TMEM132D: variants seen among roughly 807,000 people sequenced by gnomAD.
TMEM132D encodes the protein mature OL transmembrane protein.
TMEM132D carries 21 observed loss-of-function variants against 62.3 expected under a neutral mutation model. The ratio of observed to expected loss-of-function variants is 0.34; its 90% CI spans 0.24 to 0.49. The LOEUF (loss-of-function observed/expected upper bound fraction) is 0.49, where lower values mean the gene tolerates loss of function less well. Among genes scored for constraint, TMEM132D ranks in the 20% least tolerant of loss-of-function variants. The probability of loss-of-function intolerance (pLI) is 0.99; values close to 1 mark genes in which losing one functional copy is unlikely to be tolerated. For synonymous variants in TMEM132D, 621 were observed against 575.6 expected (o/e 1.08, Z -1.13); for missense variants, 1,346 against 1,402.8 (o/e 0.96, Z 0.65).
intron 5 of TMEM132D, among the ~76,000 whole-genome samples, chr12:129,116,943 A>G (rs1196748507): frequency 5.3e-5 from 8 of 151,300 alleles, no homozygotes. Context: ...AAAAAAAAAA[A>G]AAAATCTGTA....
In TMEM132D at chr12:129,806,747, C is replaced by T. The variant is rs548392406; in HGVS notation, c.79+96514G>A. Among the ~76,000 whole-genome samples the T allele has an allele frequency of 3.9e-5, 6 of 152,074 alleles. No homozygotes were observed. In the East Asian group the frequency reaches 1.2e-3, roughly 29 times the overall value. ...TAAAAAAATAAAGTAATTACCAGGC[C>T]AGGCACGGTGGTTCAGGCCTGAGAT... On this transcript the variant is annotated intron_variant, in intron 1 of 8. Coordinates refer to ENST00000422113, the MANE Select transcript of TMEM132D (RefSeq NM_133448.3).
chr12:129,083,242 A>G (rs1369445864), intron 6 of TMEM132D, among the ~76,000 whole-genome samples: 1 of 152,196 alleles, frequency 6.6e-6, no homozygotes, highest in Non-Finnish European at 1.5e-5. Flanking sequence ...GATGCTTGGA[A>G]GGAGACAGAT....
chr12:129,140,511 T>C (rs112390027), intron 5 of TMEM132D, among the ~76,000 whole-genome samples: 16 of 151,994 alleles, frequency 1.1e-4, no homozygotes, highest in African/African-American at 3.9e-4. Context: ...CAGTATAGAG[T>C]CTTTTGTGTT....
intron 5 of TMEM132D, among the ~76,000 whole-genome samples, chr12:129,184,358 C>G (rs761066537): frequency 4.6e-5 from 7 of 152,222 alleles, no homozygotes. Flanking sequence ...TAAATAGAGG[C>G]TGGAGTTTCG....
rs1240473104 is a variant in TMEM132D at position 129,601,774 on chromosome 12, C to T, written c.969-70569G>A. ...TGGGCATGGTTCATGGAGCCACAAA[C>T]AATAGTAACATGAAATATCACGGAT... On this transcript the variant is annotated intron_variant, in intron 2 of 8. Coordinates refer to ENST00000422113, the MANE Select transcript of TMEM132D (RefSeq NM_133448.3). 4.6e-5 allele frequency among the ~76,000 whole-genome samples: 7 copies of T among 152,008 alleles called. No individual in the cohort carries two copies. The East Asian group carries it at 1.4e-3, about 29-fold the overall frequency.
intron 5 of TMEM132D, among the ~76,000 whole-genome samples, chr12:129,104,817 G>C (rs11060132): frequency 0.3 from 43,100 of 143,448 alleles, 7,213 homozygotes; most frequent in East Asian, 0.42. Context: ...GGCCATCAGA[G>C]AAATGCAAAT....
At chr12:129,148,204 T>C (rs1876969009) in intron 5 of TMEM132D, among the ~76,000 whole-genome samples, 1 of 152,212 alleles carries the variant, frequency 6.6e-6, no homozygotes, top group African/African-American at 2.4e-5. Context: ...GTCCTAAAAT[T>C]GGTGCTCAGT....
chr12:129,227,704 T>A (rs1879519349), intron 4 of TMEM132D, among the ~76,000 whole-genome samples: 1 of 151,956 alleles, frequency 6.6e-6, no homozygotes, highest in South Asian at 2.1e-4. Context: ...ACCCATTAAC[T>A]CATCATTTAC....
chr12:129,194,728 A>G (rs1187901214), intron 5 of TMEM132D, among the ~76,000 whole-genome samples: 5 of 152,220 alleles, frequency 3.3e-5, no homozygotes, highest in Non-Finnish European at 5.9e-5. Flanking sequence ...TCACTTTTTT[A>G]TGTGAAGGTT....
intron 2 of TMEM132D, among the ~76,000 whole-genome samples, chr12:129,690,736 C>T (rs547244262): frequency 6.6e-6 from 1 of 152,158 alleles, no homozygotes; most frequent in South Asian, 2.1e-4. Context: ...TAAACAATCC[C>T]CCTATTATAG....
intron 3 of TMEM132D, among the ~76,000 whole-genome samples, chr12:129,481,497 C>CA (rs1874429239): frequency 6.8e-6 from 1 of 147,342 alleles, no homozygotes; most frequent in Non-Finnish European, 1.5e-5. Flanking sequence ...AACTGTAAGA[C>CA]AAACTAACCT....
rs1871050058 is a variant in TMEM132D, at chr12:129,779,438, AC to A, written c.80-78741del. ...CAAGTAGCAGGAACTGCAGGTGTCC[AC>A]CCACCATGCCCAGCTAATATTTTGT... On this transcript the variant is annotated intron_variant, in intron 1 of 8. Coordinates refer to ENST00000422113, the MANE Select transcript of TMEM132D (RefSeq NM_133448.3). This position sits in a 1 kb window ranked among gnomAD's most constrained non-coding sequence, Gnocchi z 4.1. Among the ~76,000 whole-genome samples the A allele has an allele frequency of 6.6e-6, 1 of 151,952 alleles. No homozygotes were observed. The highest frequency in any genetic ancestry group is 1.5e-5 in the Non-Finnish European group (1 of 67,994).
At chr12:129,898,596 C>A (rs566599970) in intron 1 of TMEM132D, among the ~76,000 whole-genome samples, 1 of 152,238 alleles carries the variant, frequency 6.6e-6, no homozygotes, top group African/African-American at 2.4e-5. Context: ...ATCCTTCAGA[C>A]AAGGCGAGTC....
intron 6 of TMEM132D, among the ~76,000 whole-genome samples, chr12:129,083,522 G>A (rs1177560520): frequency 1.3e-5 from 2 of 152,154 alleles, no homozygotes; most frequent in African/African-American, 2.4e-5. Context: ...CCCAGAGACT[G>A]AGAAAGAATC....
intron 3 of TMEM132D, among the ~76,000 whole-genome samples, chr12:129,393,462 G>A (rs1308795988): frequency 6.6e-6 from 1 of 152,198 alleles, no homozygotes; most frequent in Non-Finnish European, 1.5e-5. Flanking sequence ...GCTGAAGGTG[G>A]TGGCTGAGAG....
rs34663182 is a variant in TMEM132D at position 129,081,739 on chromosome 12, A to AT, written c.1923+19dup. 0.15 allele frequency: 217,811 copies of AT among 1,463,826 alleles called. 3,371 individuals are homozygous for AT. Among genetic ancestry groups the AT allele is most frequent in the Non-Finnish European group, 0.16 (170,197 of 1,097,586 alleles). The allele number at this position is 1,463,826 out of a possible 1,614,324, so 90.7% of individuals were successfully genotyped here. On this transcript the variant is annotated intron_variant, in intron 7 of 8. Coordinates refer to ENST00000422113, the MANE Select transcript of TMEM132D (RefSeq NM_133448.3). ...AAGACAGAGAGATCTTGATTTGGGG[A>AT]TTTTTTTTTTTTTTTTTACCTGAAT...
intron 4 of TMEM132D, among the ~76,000 whole-genome samples, chr12:129,259,302 C>T (rs184076406): frequency 5.9e-5 from 9 of 152,276 alleles, no homozygotes; most frequent in Non-Finnish European, 4.4e-5. Flanking sequence ...AGCATCCTTG[C>T]CTGGGTGACA....
intron 4 of TMEM132D, among the ~76,000 whole-genome samples, chr12:129,296,138 A>C (rs1222335973): frequency 6.6e-6 from 1 of 152,068 alleles, no homozygotes; most frequent in East Asian, 1.9e-4. Context: ...ACATACACAC[A>C]TCCTGTTGGT....
intron 5 of TMEM132D, among the ~76,000 whole-genome samples, chr12:129,174,137 A>G (rs1018091461): frequency 1.3e-5 from 2 of 152,170 alleles, no homozygotes; most frequent in Non-Finnish European, 2.9e-5. Flanking sequence ...TGCAGGATAC[A>G]TGTGCAGAAC....
Sources: allele counts gnomAD v4.1 joint callset (sites outside exome capture counted in the v4.1 genomes callset), GRCh38; gene constraint gnomAD v4.1.1; non-coding constraint Gnocchi (gnomAD v3.1); transcripts MANE v1.5; gene names NCBI Gene and HGNC (gene_info 2026-07-23, HGNC 2026-07-21).